The following TBXAS1 variants were observed in gnomAD, a reference collection of about 807,000 sequenced individuals.
The protein encoded by TBXAS1 is thromboxane-A synthase.
A neutral mutation model predicts 60.7 loss-of-function variants in TBXAS1; 48 were observed. That is an observed-to-expected ratio of 0.79 (90% confidence interval 0.63 to 1.01). The LOEUF (loss-of-function observed/expected upper bound fraction) is 1.01. Ranked by LOEUF, TBXAS1 falls within the 50% of genes least tolerant of loss-of-function variation. TBXAS1 has a pLI of 0.00. For missense variants in TBXAS1, 685 were observed against 686.3 expected, an observed-to-expected ratio of 1.00 and a Z score of 0.02; for synonymous variants, 287 against 269.7, an observed-to-expected ratio of 1.06 and a Z score of -0.63.
At position 140,015,845 on chromosome 7, in the gene TBXAS1, C is replaced by A. The variant is rs5763; in HGVS notation, c.1349C>A (p.Thr450Asn). The part of the protein sequence containing the change: ...HDPEHWPSPE[T>N]FNPERFTAEA... ...CCTGAGCACTGGCCAAGCCCGGAGA[C>A]CTTCAACCCTGAAAGGTGAGTACTG... Residue 450 changes from threonine to asparagine, a missense_variant, in exon 11 of 13, where the codon ACC becomes AAC. Transcript: ENST00000448866. 30,397 of 1,613,866 alleles carry A rather than the reference C, an allele frequency of 0.019. 337 individuals carry two copies. Among genetic ancestry groups the A allele is most frequent in the Non-Finnish European group, 0.023 (26,612 of 1,180,032 alleles).
chr7:139,816,338 G>A (rs144794840), intron 4 of TBXAS1, among the ~76,000 whole-genome samples: 24 of 152,310 alleles, frequency 1.6e-4, no homozygotes, highest in Admixed American at 3.9e-4. Context: ...ACAGAGGAGC[G>A]TGCTTGAGAC....
At chr7:139,846,016 G>A (rs769140276) in intron 1 of TBXAS1, among the ~76,000 whole-genome samples, 21 of 151,884 alleles carry the variant, frequency 1.4e-4, no homozygotes, top group Non-Finnish European at 2.9e-4. Context: ...TGTAGAGACG[G>A]GGTTTCTCCA....
chr7:139,915,180 A>T (rs1805873164), intron 4 of TBXAS1, among the ~76,000 whole-genome samples: 1 of 152,206 alleles, frequency 6.6e-6, no homozygotes, highest in Non-Finnish European at 1.5e-5. Context: ...AATTTTTTAA[A>T]AAACAGTCTT....
intron 5 of TBXAS1, among the ~76,000 whole-genome samples, chr7:139,944,587 T>C (rs1279966463): frequency 6.6e-6 from 1 of 152,176 alleles, no homozygotes; most frequent in Non-Finnish European, 1.5e-5. Context: ...ATCTTTCTGG[T>C]GCAGATGAGG....
In TBXAS1 at chr7:139,784,308, G is replaced by A. The variant is rs180922761; in HGVS notation, c.-169+1579G>A. On this transcript the variant is annotated intron_variant, in intron 3 of 16. Transcript: ENST00000336425. ...TCCTGAGAAAATCAATTCATCAAAT[G>A]TTCAGCTACAGCTTACTATGTGCTA... 1.8e-4 allele frequency among the ~76,000 whole-genome samples: 26 copies of A among 148,476 alleles called. 1 individual carries two copies.
chr7:139,987,044 T>C (rs1175117720), intron 9 of TBXAS1, among the ~76,000 whole-genome samples: 3 of 152,120 alleles, frequency 2.0e-5, no homozygotes, highest in Middle Eastern at 6.8e-3. Context: ...GGCAGTGCCC[T>C]GAGAGCTTAG....
Position 139,796,494 on chromosome 7 carries a change from A to G in TBXAS1, c.-80+9068A>G, listed in dbSNP as rs912131867. ...CCAGGATCTGGGGGAGACAGAGGGG[A>G]TGAACACGTGGAGCACAGATGATTT... On this transcript the variant is annotated intron_variant, in intron 4 of 16. Transcript: ENST00000336425. Among the ~76,000 whole-genome samples, 4 of 152,324 alleles carry G rather than the reference A, an allele frequency of 2.6e-5. No individual in the cohort carries two copies. In the South Asian group the frequency reaches 6.2e-4, roughly 24 times the overall value.
intron 3 of TBXAS1, among the ~76,000 whole-genome samples, chr7:139,901,574 G>A (rs911909096): frequency 2.0e-5 from 3 of 152,038 alleles, no homozygotes; most frequent in Admixed American, 2.0e-4. Flanking sequence ...TAAATATAGA[G>A]CAGGTTTTCA....
intron 9 of TBXAS1, among the ~76,000 whole-genome samples, chr7:139,996,304 G>A (rs556836343): frequency 6.6e-6 from 1 of 152,240 alleles, no homozygotes; most frequent in East Asian, 1.9e-4. Context: ...CCCAGGCACT[G>A]TCCAGGAGAT....
upstream of TBXAS1, among the ~76,000 whole-genome samples, chr7:139,828,222 GACCTTGT>G (rs1461187758): frequency 1.3e-5 from 2 of 152,124 alleles, no homozygotes; most frequent in Non-Finnish European, 2.9e-5. Flanking sequence ...TTAATTTGAA[GACCTTGT>G]CTTTGAGCTC....
At chr7:139,810,580 T>A (rs1460278599) in intron 4 of TBXAS1, among the ~76,000 whole-genome samples, 1 of 152,174 alleles carries the variant, frequency 6.6e-6, no homozygotes, top group African/African-American at 2.4e-5. Context: ...TTTCTAAGCA[T>A]TTTTAGAGGG....
intron 4 of TBXAS1, among the ~76,000 whole-genome samples, chr7:139,922,103 T>C (rs1806523436): frequency 6.6e-6 from 1 of 151,074 alleles, no homozygotes. Flanking sequence ...CTTTTTCTTT[T>C]TTTTTTTTTT....
chr7:139,837,854 C>T, intron 1 of TBXAS1, among the ~76,000 whole-genome samples: 1 of 152,192 alleles, frequency 6.6e-6, no homozygotes, highest in Non-Finnish European at 1.5e-5. Context: ...AAGCAAAAGG[C>T]ACACCAAGGT....
At chr7:139,838,704 AC>A (rs147358685) in intron 1 of TBXAS1, among the ~76,000 whole-genome samples, 3,493 of 152,314 alleles carry the variant, frequency 0.023, 53 homozygotes, top group African/African-American at 0.046. Flanking sequence ...TAGGCACAGT[AC>A]ACTTTGATCG....
At chr7:139,884,361 C>G (rs1430329633) in intron 3 of TBXAS1, among the ~76,000 whole-genome samples, 4 of 152,228 alleles carry the variant, frequency 2.6e-5, no homozygotes, top group African/African-American at 9.6e-5. Flanking sequence ...TTTAAGACAT[C>G]TCTCTGTAAG....
At chr7:139,921,933 A>G (rs1296394779) in intron 4 of TBXAS1, among the ~76,000 whole-genome samples, 1 of 152,070 alleles carries the variant, frequency 6.6e-6, no homozygotes, top group Non-Finnish European at 1.5e-5. Context: ...GAGCCAATCT[A>G]TACTCCCATA....
At chr7:139,804,706 T>A (rs1181535970) in intron 4 of TBXAS1, among the ~76,000 whole-genome samples, 1 of 152,194 alleles carries the variant, frequency 6.6e-6, no homozygotes. Flanking sequence ...TGAGATATGA[T>A]GGTTCTATAA....
intron 4 of TBXAS1, among the ~76,000 whole-genome samples, chr7:139,927,862 C>A (rs915478700): frequency 5.9e-5 from 9 of 152,088 alleles, no homozygotes; most frequent in Non-Finnish European, 1.0e-4. Flanking sequence ...TTGTATCCAA[C>A]AATATTTTTA....
At chr7:139,843,980 C>G (rs572524810) in intron 1 of TBXAS1, among the ~76,000 whole-genome samples, 1 of 152,218 alleles carries the variant, frequency 6.6e-6, no homozygotes, top group Non-Finnish European at 1.5e-5. Flanking sequence ...TTCATGCAAT[C>G]GTCGAATGCT....
Sources: allele counts gnomAD v4.1 joint callset (sites outside exome capture counted in the v4.1 genomes callset), GRCh38; gene constraint gnomAD v4.1.1; transcripts MANE v1.5; gene names NCBI Gene and HGNC (gene_info 2026-07-23, HGNC 2026-07-21).